CYREN: variants seen among roughly 807,000 people sequenced by gnomAD.
The protein encoded by CYREN is cell cycle regulator of NHEJ.
CYREN carries 7 observed loss-of-function variants against 9.7 expected under a neutral mutation model. That is an observed-to-expected ratio of 0.72 (90% confidence interval 0.41 to 1.36). CYREN has a LOEUF of 1.36. Among genes scored for constraint, CYREN ranks in the 40% most tolerant of loss-of-function variants. CYREN has a pLI of 0.01. For missense variants in CYREN, 215 were observed against 198.1 expected, an observed-to-expected ratio of 1.09 and a Z score of -0.51; for synonymous variants, 76 against 77.9, an observed-to-expected ratio of 0.98 and a Z score of 0.13.
chr7:135,146,503 T>C (rs1829550909), intron 2 of CYREN, among the ~76,000 whole-genome samples: 1 of 152,258 alleles, frequency 6.6e-6, no homozygotes, highest in African/African-American at 2.4e-5. Context: ...CCTCAATTTG[T>C]AAAAGATGCA....
At chr7:135,143,726 G>A (rs1829494045) in intron 2 of CYREN, among the ~76,000 whole-genome samples, 4 of 152,166 alleles carry the variant, frequency 2.6e-5, no homozygotes, top group Non-Finnish European at 5.9e-5. Flanking sequence ...CCCCAGTGGT[G>A]GGCAGGGAGG....
At chr7:135,171,203 T>G (rs181102570), upstream of CYREN, among the ~76,000 whole-genome samples, 1 of 152,244 alleles carries the variant, frequency 6.6e-6, no homozygotes, top group East Asian at 1.9e-4. Context: ...ATAGCTAGAA[T>G]GGAATGAATT....
In CYREN at chr7:135,168,933, T is replaced by A. The variant is rs777651294; in HGVS notation, c.-11A>T. 8.3e-6 allele frequency: 13 copies of A among 1,571,462 alleles called. No homozygotes were observed. The highest frequency in any genetic ancestry group is 9.5e-6 in the Non-Finnish European group (11 of 1,159,402). ...TTGTAAGGTTTCCATCTCTGTACCT[T>A]CTCACAAAGAAGAGTCAGGGCCCAA... On this transcript the variant is annotated 5_prime_UTR_variant, in exon 2 of 4. Coordinates refer to ENST00000393114, the MANE Select transcript of CYREN (RefSeq NM_024033.4).
In CYREN at chr7:135,151,735, A is replaced by C. The variant is rs1255549651; in HGVS notation, n.356+17014T>G. Among the ~76,000 whole-genome samples the C allele has an allele frequency of 6.6e-6, 1 of 152,206 alleles. No individual in the cohort carries two copies. Among genetic ancestry groups the C allele is most frequent in the Non-Finnish European group, 1.5e-5 (1 of 68,036 alleles). On this transcript the variant is annotated intron_variant and non_coding_transcript_variant, in intron 2 of 2. Transcript: ENST00000459937. This position sits in a 1 kb window ranked among gnomAD's most constrained non-coding sequence, Gnocchi z 4.3. ...AGGAACGTGACAACTGATGCATTAC[A>C]GATGAGGATGTGAGGCTCAGGCTGG...
chr7:135,151,459 C>T lies in CYREN; in HGVS notation n.356+17290G>A, dbSNP rs867013440. On this transcript the variant is annotated intron_variant and non_coding_transcript_variant, in intron 2 of 2. Coordinates refer to the CYREN transcript ENST00000459937. This position sits in a 1 kb window ranked among gnomAD's most constrained non-coding sequence, Gnocchi z 4.3. ...TGGTGGCCTCTGACAAGTAAACCTGCGCCCTTGTTCTATGCCCTGGCAAGC... is the reference window on the plus strand; with the variant it reads ...TGGTGGCCTCTGACAAGTAAACCTGTGCCCTTGTTCTATGCCCTGGCAAGC... Among the ~76,000 whole-genome samples the T allele has an allele frequency of 5.9e-5, 9 of 152,190 alleles. No individual in the cohort carries two copies. Among genetic ancestry groups the T allele is most frequent in the African/African-American group, 9.7e-5 (4 of 41,444 alleles).
chr7:135,143,690 G>C (rs1829493435), intron 2 of CYREN, among the ~76,000 whole-genome samples: 2 of 152,092 alleles, frequency 1.3e-5, no homozygotes, highest in Admixed American at 1.3e-4. Flanking sequence ...CTCTAAAACA[G>C]CACCCTGAGA....
chr7:135,112,395 A>G (rs1371287924), intron 2 of CYREN, among the ~76,000 whole-genome samples: 1 of 152,200 alleles, frequency 6.6e-6, no homozygotes, highest in East Asian at 1.9e-4. Context: ...GAGGATCTCA[A>G]AAGTGTTATT....
At chr7:135,164,904 G>C, downstream of CYREN, 1 of 1,614,220 alleles carries the variant, frequency 6.2e-7, no homozygotes, top group Non-Finnish European at 8.5e-7. Flanking sequence ...TCTAGCTCTG[G>C]GCAGCGCCCA....
intron 2 of CYREN, chr7:135,168,433 G>T (rs917116331): frequency 1.3e-5 from 4 of 311,616 alleles, no homozygotes; most frequent in Non-Finnish European, 1.8e-5. Context: ...ACTCAGAACA[G>T]ACCCTTCCAC....
At chr7:135,108,774 T>C (rs1485504164) in intron 2 of CYREN, among the ~76,000 whole-genome samples, 1 of 152,250 alleles carries the variant, frequency 6.6e-6, no homozygotes, top group African/African-American at 2.4e-5. Flanking sequence ...TCATGGACAA[T>C]ATCCTGAAAT....
At chr7:135,101,156 GA>G (rs1374050089) in intron 2 of CYREN, 2 of 455,732 alleles carry the variant, frequency 4.4e-6, no homozygotes, top group South Asian at 1.6e-5. Flanking sequence ...GCCAATCTAG[GA>G]AAAAAATTCC....
At chr7:135,116,468 C>T (rs2117194389) in intron 2 of CYREN, among the ~76,000 whole-genome samples, 1 of 152,294 alleles carries the variant, frequency 6.6e-6, no homozygotes, top group Admixed American at 6.5e-5. Context: ...TGCTACTGTG[C>T]AGTAGTAAAA....
intron 2 of CYREN, among the ~76,000 whole-genome samples, chr7:135,114,600 A>T (rs1826064413): frequency 6.6e-6 from 1 of 151,958 alleles, no homozygotes; most frequent in African/African-American, 2.4e-5. Flanking sequence ...CTCATCTCAC[A>T]TCCAATTCTT....
At chr7:135,161,593 T>C (rs115448464), downstream of CYREN, among the ~76,000 whole-genome samples, 64 of 152,340 alleles carry the variant, frequency 4.2e-4, no homozygotes, top group African/African-American at 1.5e-3. The surrounding 1 kb of genome is among the most constrained non-coding windows in gnomAD (Gnocchi z 4.1). Context: ...ATACAAAATA[T>C]GTTCCCGTCG....
chr7:135,150,381 T>C (rs1829639461), intron 2 of CYREN, among the ~76,000 whole-genome samples: 1 of 152,162 alleles, frequency 6.6e-6, no homozygotes, highest in African/African-American at 2.4e-5. Flanking sequence ...TAATTACCTT[T>C]TAAAAAATAC....
chr7:135,129,040 G>A, intron 2 of CYREN: 1 of 1,608,726 alleles, frequency 6.2e-7, no homozygotes, highest in Non-Finnish European at 8.5e-7. Flanking sequence ...ATCAGAGATG[G>A]CCAGGTTCAA....
At chr7:135,096,064 A>C (rs867771853) in intron 2 of CYREN, among the ~76,000 whole-genome samples, 3 of 151,954 alleles carry the variant, frequency 2.0e-5, no homozygotes, top group African/African-American at 7.3e-5. Flanking sequence ...AGGCAGGAGA[A>C]TTGCTTGAAC....
intron 2 of CYREN, among the ~76,000 whole-genome samples, chr7:135,105,200 G>A (rs573065910): frequency 6.6e-6 from 1 of 151,224 alleles, no homozygotes; most frequent in African/African-American, 2.4e-5. Flanking sequence ...CTCCCCAGTC[G>A]CTGGGATTAC....
chr7:135,172,129 C>T (rs193155262), upstream of CYREN, among the ~76,000 whole-genome samples: 2 of 152,310 alleles, frequency 1.3e-5, no homozygotes, highest in East Asian at 1.9e-4. Context: ...TGAGTGGAAG[C>T]GTGGCCTGAT....
Sources: gnomAD v4.1 joint callset for allele counts (sites outside exome capture counted in the v4.1 genomes callset) on GRCh38, gnomAD v4.1.1 for gene constraint, Gnocchi (gnomAD v3.1) non-coding constraint, MANE v1.5 for transcripts, NCBI Gene and HGNC (gene_info 2026-07-23, HGNC 2026-07-21) for gene names.